The following KCNMA1 variants were observed in gnomAD, a reference collection of about 807,000 sequenced individuals.
KCNMA1 encodes the protein potassium calcium-activated channel subfamily M alpha 1, also known as Calcium-activated potassium channel subunit alpha-1.
KCNMA1 carries 29 observed loss-of-function variants against 140.0 expected under a neutral mutation model. That is an observed-to-expected ratio of 0.21 (90% CI 0.15 to 0.28). The LOEUF is 0.28. Ranked by LOEUF, KCNMA1 falls within the 10% of genes least tolerant of loss-of-function variation. The pLI is 1.00. For synonymous variants in KCNMA1, 612 were observed against 611.9 expected, an observed-to-expected ratio of 1.00 and a Z score of 0.00; for missense variants, 880 against 1,602.2, an observed-to-expected ratio of 0.55 and a Z score of 7.70.
At chr10:77,233,955 A>G (rs1053768844) in intron 3 of KCNMA1, among the ~76,000 whole-genome samples, 2 of 152,148 alleles carry the variant, frequency 1.3e-5, no homozygotes, top group Non-Finnish European at 2.9e-5. Flanking sequence ...TTCTACAATA[A>G]ATTAGAACAG....
At chr10:77,405,595 C>T (rs1405790299) in intron 1 of KCNMA1, among the ~76,000 whole-genome samples, 1 of 73,506 alleles carries the variant, frequency 1.4e-5, no homozygotes, top group Non-Finnish European at 2.8e-5. Flanking sequence ...ATACTAAAAC[C>T]TTATTATTTA....
intron 15 of KCNMA1, 71 bp downstream of exon 15, chr10:77,039,457 G>A: frequency 1.1e-6 from 1 of 888,332 alleles, no homozygotes; most frequent in Non-Finnish European, 1.9e-6. Flanking sequence ...AGCAGAGGTG[G>A]GAGGCTTCCT....
Position 77,278,864 on chromosome 10 carries a change from T to C in KCNMA1, c.541-27608A>G, listed in dbSNP as rs139918542. Among the ~76,000 whole-genome samples the C allele has an allele frequency of 3.3e-3, 509 of 152,358 alleles. 11 individuals carry two copies. Among genetic ancestry groups the C allele is most frequent in the Admixed American group, 0.019 (293 of 15,302 alleles). The stretch of plus-strand genomic sequence containing the variant: ...GCTATTCAGTTTCATGAAGTGAAGC[T>C]ACTGGAGTAGACACTGTATTACATC... On this transcript the variant is annotated intron_variant, in intron 2 of 27. Transcript: ENST00000286628.
chr10:77,018,792 A>G (rs2092485746), intron 17 of KCNMA1, among the ~76,000 whole-genome samples: 1 of 152,194 alleles, frequency 6.6e-6, no homozygotes, highest in Non-Finnish European at 1.5e-5. Flanking sequence ...CACAAAATAA[A>G]TGAGCAGGTA....
rs201397661 is a variant in KCNMA1, at chr10:76,909,966, C to G, written c.3147G>C (p.Ala1049=). The change falls in exon 25 of 28, where the codon GCG becomes GCC. Residue 1049 remains alanine, a splice_region_variant and synonymous_variant. Transcript: ENST00000286628. ...AVSVLDSLMS[A]TYFNDNILTL... ...AGGAGGAGGGAACAGGATAACTCAC[C>G]GCGCTCATGAGTGAGTCCAGGACAC... is the stretch of plus-strand genomic sequence containing the variant. 6 of 1,613,258 alleles carry G rather than the reference C, an allele frequency of 3.7e-6. No individual in the cohort carries two copies. The highest frequency in any genetic ancestry group is 2.2e-5 in the East Asian group (1 of 44,802).
intron 9 of KCNMA1, among the ~76,000 whole-genome samples, chr10:77,103,194 T>C (rs2097135799): frequency 1.3e-5 from 2 of 152,234 alleles, no homozygotes; most frequent in African/African-American, 2.4e-5. Flanking sequence ...AGTACTCTAG[T>C]TTCATATTTA....
At chr10:77,185,464 G>C (rs1356995569) in intron 3 of KCNMA1, among the ~76,000 whole-genome samples, 1 of 152,088 alleles carries the variant, frequency 6.6e-6, no homozygotes, top group Non-Finnish European at 1.5e-5. Flanking sequence ...GAGAGGAGAG[G>C]ATCCTGGGTG....
chr10:77,127,711 G>A (rs912612844), intron 5 of KCNMA1, among the ~76,000 whole-genome samples: 2 of 152,312 alleles, frequency 1.3e-5, no homozygotes, highest in African/African-American at 4.8e-5. Context: ...GGTGGCTCAT[G>A]CCTGTTATCC....
intron 3 of KCNMA1, among the ~76,000 whole-genome samples, chr10:77,192,334 A>G (rs889040042): frequency 1.3e-5 from 2 of 152,200 alleles, no homozygotes; most frequent in African/African-American, 2.4e-5. Flanking sequence ...TTTATCTAAC[A>G]AGACTTCAAT....
chr10:77,038,844 T>G (rs990410124), intron 15 of KCNMA1, among the ~76,000 whole-genome samples: 14 of 152,218 alleles, frequency 9.2e-5, no homozygotes, highest in African/African-American at 3.1e-4. Flanking sequence ...GTGAGGAATC[T>G]GAGGCACTGT....
chr10:76,914,412 G>A, intron 24 of KCNMA1: 1 of 501,806 alleles, frequency 2.0e-6, no homozygotes, highest in South Asian at 3.0e-5. Flanking sequence ...AATGGCATTT[G>A]CTGAAAATGG....
chr10:77,502,691 AC>A (rs1191060315), intron 1 of KCNMA1, among the ~76,000 whole-genome samples: 1 of 151,344 alleles, frequency 6.6e-6, no homozygotes, highest in Non-Finnish European at 1.5e-5. Context: ...TGCCTCTACC[AC>A]TCACCCACCC....
rs201892905 is a variant in KCNMA1, at chr10:76,953,768, C to T, written c.2484+33G>A. 693 of 1,613,754 alleles carry T rather than the reference C, an allele frequency of 4.3e-4. 11 individuals are homozygous for T. In the South Asian group the frequency reaches 7.2e-3, roughly 17 times the overall value. On this transcript the variant is annotated intron_variant, in intron 21 of 27. Transcript: ENST00000286628. Reference sequence around the variant, plus strand: ...TAGCAAATGTGGTTTGGGGCAGAAGCGGGCAACATCAGATGCACAGTCCCT... The same window carrying T: ...TAGCAAATGTGGTTTGGGGCAGAAGTGGGCAACATCAGATGCACAGTCCCT...
intron 9 of KCNMA1, among the ~76,000 whole-genome samples, chr10:77,106,308 G>A (rs1373215739): frequency 1.3e-5 from 2 of 152,150 alleles, no homozygotes; most frequent in Admixed American, 6.5e-5. Flanking sequence ...GCTAAAAGCG[G>A]TGATAAAAGA....
chr10:77,192,855 C>T (rs968226828), intron 3 of KCNMA1, among the ~76,000 whole-genome samples: 3 of 152,014 alleles, frequency 2.0e-5, no homozygotes, highest in Non-Finnish European at 4.4e-5. Flanking sequence ...GTGCATTGGG[C>T]TACTGTAAGA....
intron 23 of KCNMA1, among the ~76,000 whole-genome samples, chr10:76,940,987 AAGAG>A (rs201391957): frequency 3.6e-4 from 47 of 131,784 alleles, no homozygotes; most frequent in African/African-American, 1.5e-3. Context: ...GAAAGAGAGA[AAGAG>A]AGAAAGAAAG....
At chr10:77,146,727 A>G (rs1836792) in intron 5 of KCNMA1, among the ~76,000 whole-genome samples, 210 of 112,580 alleles carry the variant, frequency 1.9e-3, no homozygotes, top group African/African-American at 5.4e-3. Flanking sequence ...AAAAAAAAAA[A>G]AAAGAAAGAA....
At chr10:76,968,282 C>A (rs1281984102) in intron 20 of KCNMA1, among the ~76,000 whole-genome samples, 1 of 152,130 alleles carries the variant, frequency 6.6e-6, no homozygotes, top group East Asian at 1.9e-4. Flanking sequence ...ATACAGAAGA[C>A]CTGTCATCTT....
At chr10:77,440,882 G>A (rs892987722) in intron 1 of KCNMA1, among the ~76,000 whole-genome samples, 6 of 152,134 alleles carry the variant, frequency 3.9e-5, no homozygotes, top group African/African-American at 1.4e-4. Context: ...GCAGTGGCAC[G>A]ATCTTGGCTC....
Sources: gnomAD v4.1 joint callset for allele counts (sites outside exome capture counted in the v4.1 genomes callset) on GRCh38, gnomAD v4.1.1 for gene constraint, MANE v1.5 for transcripts, NCBI Gene and HGNC (gene_info 2026-07-23, HGNC 2026-07-21) for gene names.